Variants in DSCAML1 observed in about 807,000 individuals in gnomAD.
The protein encoded by DSCAML1 is cell adhesion molecule DSCAML1.
Under a neutral mutation model 200.5 loss-of-function variants are expected in DSCAML1, and 38 were observed. The observed-to-expected ratio is 0.19, with a 90% CI of 0.15 to 0.25. The LOEUF (loss-of-function observed/expected upper bound fraction) is 0.25, where lower values mean the gene tolerates loss of function less well. Among genes scored for constraint, DSCAML1 ranks in the 10% least tolerant of loss-of-function variants. The probability of loss-of-function intolerance (pLI) is 1.00; values close to 1 mark genes in which losing one functional copy is unlikely to be tolerated. For missense variants in DSCAML1, 2,223 were observed against 2,858.8 expected, an observed-to-expected ratio of 0.78 and a Z score of 5.07; for synonymous variants, 1,215 against 1,165.0, an observed-to-expected ratio of 1.04 and a Z score of -0.87.
chr11:117,582,426 G>A (rs139573121), intron 3 of DSCAML1, among the ~76,000 whole-genome samples: 9 of 152,306 alleles, frequency 5.9e-5, no homozygotes, highest in Non-Finnish European at 8.8e-5. Flanking sequence ...GGGATAAGCC[G>A]GTTCCTCCAG....
intron 3 of DSCAML1, among the ~76,000 whole-genome samples, chr11:117,765,226 G>A (rs183982199): frequency 7.2e-5 from 11 of 152,284 alleles, no homozygotes; most frequent in South Asian, 2.1e-4. Flanking sequence ...GGCTCCAACC[G>A]GCTTGCTATT....
At chr11:117,789,414 C>G (rs2055418603) in intron 1 of DSCAML1, among the ~76,000 whole-genome samples, 1 of 152,150 alleles carries the variant, frequency 6.6e-6, no homozygotes, top group Non-Finnish European at 1.5e-5. Context: ...ATTGTTAATG[C>G]TTGAGGGACT....
At chr11:117,674,424 A>G (rs2053170619) in intron 3 of DSCAML1, among the ~76,000 whole-genome samples, 1 of 152,148 alleles carries the variant, frequency 6.6e-6, no homozygotes, top group African/African-American at 2.4e-5. Flanking sequence ...TTCTAGGTAG[A>G]GGCATTTCTG....
At chr11:117,450,833 G>C in intron 19 of DSCAML1, 145 bp from the exon 20 acceptor site, 1 of 909,786 alleles carries the variant, frequency 1.1e-6, no homozygotes, top group Non-Finnish European at 1.6e-6. Flanking sequence ...GAAGGGGAGG[G>C]TCCATCCAGC....
In DSCAML1 at chr11:117,780,298, AAGAAAGAGAGAAAGG is replaced by A. The variant is rs2055227095; in HGVS notation, c.364+180_364+194del. Among the ~76,000 whole-genome samples, 1 of 111,118 alleles carries A rather than the reference AAGAAAGAGAGAAAGG, an allele frequency of 9.0e-6. No homozygotes were observed. The highest frequency in any genetic ancestry group is 3.1e-5 in the African/African-American group (1 of 32,414). The allele number at this position is 111,118 out of a possible 152,430, so 72.9% of individuals were successfully genotyped here. ...AAAGAAAGAAAGAAAGAAAGAAAGA[AAGAAAGAGAGAAAGG>A]AGAAAGAAAGGTGTCTCTTATGCCT... On this transcript the variant is annotated intron_variant, in intron 2 of 32. Transcript: ENST00000651296. This position sits in a 1 kb window ranked among gnomAD's most constrained non-coding sequence, Gnocchi z 4.8.
chr11:117,428,376 A>G lies in DSCAML1; in HGVS notation c.6114T>C (p.Ser2038=). Residue 2038 remains serine, a synonymous_variant, in exon 33 of 33, where the codon TCT becomes TCC. Coordinates refer to ENST00000651296, the MANE Select transcript of DSCAML1 (RefSeq NM_020693.4). The part of the protein sequence containing the change: ...LEMSTSGVGR[S]QKQGAGAYSK... ...AGTAGGCCCCGGCCCCCTGCTTCTG[A>G]GACCTCCCTACCCCCGATGTGCTCA... The G allele has an allele frequency of 6.3e-7, 1 of 1,592,828 alleles. No homozygotes were observed. The highest frequency in any genetic ancestry group is 8.5e-7 in the Non-Finnish European group (1 of 1,171,210).
intron 3 of DSCAML1, among the ~76,000 whole-genome samples, chr11:117,583,166 G>A (rs1482220411): frequency 1.3e-5 from 2 of 151,926 alleles, no homozygotes; most frequent in African/African-American, 4.8e-5. Context: ...GGCGGGGCCT[G>A]GACAGGTCTG....
intron 32 of DSCAML1, among the ~76,000 whole-genome samples, chr11:117,429,029 T>C (rs1592555888): frequency 1.3e-5 from 2 of 152,180 alleles, no homozygotes; most frequent in Admixed American, 1.3e-4. Flanking sequence ...CACAGGATTA[T>C]TGTGAGGAGC....
chr11:117,709,537 G>T (rs1201529791), intron 3 of DSCAML1, among the ~76,000 whole-genome samples: 1 of 152,122 alleles, frequency 6.6e-6, no homozygotes, highest in Non-Finnish European at 1.5e-5. Flanking sequence ...AATTGCGGGG[G>T]TTGGGGGGAG....
chr11:117,620,572 GC>G (rs1024855954), intron 3 of DSCAML1, among the ~76,000 whole-genome samples: 15 of 152,272 alleles, frequency 9.9e-5, no homozygotes, highest in Non-Finnish European at 2.2e-4. Context: ...TTGGACTGGG[GC>G]CCCCTACTTT....
chr11:117,651,848 A>G, intron 3 of DSCAML1, among the ~76,000 whole-genome samples: 1 of 151,766 alleles, frequency 6.6e-6, no homozygotes, highest in East Asian at 1.9e-4. Flanking sequence ...GTCATCCCCG[A>G]TGTCTCCCCG....
chr11:117,470,448 G>A (rs1338111506), intron 15 of DSCAML1, among the ~76,000 whole-genome samples: 4 of 152,182 alleles, frequency 2.6e-5, no homozygotes, highest in South Asian at 2.1e-4. Flanking sequence ...GGTGGCGGGC[G>A]CCTGTAGTCC....
In DSCAML1 at chr11:117,768,968, C is replaced by A. The variant is rs1243789476; in HGVS notation, c.511+7823G>T. On this transcript the variant is annotated intron_variant, in intron 3 of 32. Coordinates refer to ENST00000651296, the MANE Select transcript of DSCAML1 (RefSeq NM_020693.4). ...GTGTGTGCCTGTAATCCCAGATAGT[C>A]AGGAGGCTGAGACAAGAGAATCACT... 2.0e-5 allele frequency among the ~76,000 whole-genome samples: 3 copies of A among 149,576 alleles called. No individual in the cohort carries two copies. In the East Asian group the frequency reaches 5.8e-4, roughly 29 times the overall value.
intron 14 of DSCAML1, among the ~76,000 whole-genome samples, chr11:117,479,572 C>T (rs972309555): frequency 3.3e-5 from 5 of 152,190 alleles, no homozygotes; most frequent in African/African-American, 9.6e-5. Context: ...GTGCCCATGG[C>T]GCCCCACAGT....
chr11:117,428,839 C>G (rs776916975), intron 32 of DSCAML1, 36 bp from the exon 33 acceptor site: 1 of 1,535,194 alleles, frequency 6.5e-7, no homozygotes, highest in South Asian at 1.2e-5. Context: ...TACAGAGAGT[C>G]ATAGCCCTCT....
intron 3 of DSCAML1, among the ~76,000 whole-genome samples, chr11:117,539,979 G>A (rs1235922024): frequency 3.3e-5 from 5 of 152,202 alleles, no homozygotes; most frequent in Admixed American, 1.3e-4. Flanking sequence ...GCTTCAACAT[G>A]GATGCGTCTT....
At chr11:117,790,344 C>T (rs1024624293) in intron 1 of DSCAML1, among the ~76,000 whole-genome samples, 2 of 152,230 alleles carry the variant, frequency 1.3e-5, no homozygotes, top group Admixed American at 6.5e-5. Context: ...GGCTTCCTCC[C>T]ACTCCCACTA....
chr11:117,517,580 A>G (rs569584451), intron 7 of DSCAML1, among the ~76,000 whole-genome samples: 128 of 152,290 alleles, frequency 8.4e-4, no homozygotes, highest in Middle Eastern at 3.4e-3. Context: ...GGAAACCCAC[A>G]CTTCTGTCAG....
At chr11:117,718,352 C>G (rs2053987602) in intron 3 of DSCAML1, among the ~76,000 whole-genome samples, 1 of 152,186 alleles carries the variant, frequency 6.6e-6, no homozygotes, top group African/African-American at 2.4e-5. Context: ...CCTTCATAAG[C>G]CCCCAAGTTG....
Sources: allele counts gnomAD v4.1 joint callset (sites outside exome capture counted in the v4.1 genomes callset), GRCh38; gene constraint gnomAD v4.1.1; non-coding constraint Gnocchi (gnomAD v3.1); transcripts MANE v1.5; gene names NCBI Gene and HGNC (gene_info 2026-07-23, HGNC 2026-07-21).